The following VPS13B variants were observed in gnomAD, a reference collection of about 807,000 sequenced individuals.
VPS13B encodes intermembrane lipid transfer protein VPS13B.
Under a neutral mutation model 426.4 loss-of-function variants are expected in VPS13B, and 285 were observed. The observed-to-expected ratio is 0.67, with a 90% CI of 0.61 to 0.74. The LOEUF (loss-of-function observed/expected upper bound fraction) is 0.74. VPS13B is among the 30% of genes least tolerant of loss of function. The pLI is 0.00. For synonymous variants in VPS13B, 1,676 were observed against 1,676.4 expected (o/e 1.00, Z 0.01); for missense variants, 4,537 against 4,782.6 (o/e 0.95, Z 1.51).
intron 40 of VPS13B, among the ~76,000 whole-genome samples, chr8:99,772,114 T>C (rs1303248866): frequency 1.3e-5 from 2 of 152,196 alleles, no homozygotes; most frequent in African/African-American, 4.8e-5. Context: ...AGTACTCAGG[T>C]GCTGCTCAGG....
At chr8:99,351,267 A>G (rs1231598920) in intron 19 of VPS13B, among the ~76,000 whole-genome samples, 6 of 152,148 alleles carry the variant, frequency 3.9e-5, no homozygotes, top group Non-Finnish European at 5.9e-5. Context: ...CCTTTCATGT[A>G]TCTATCTTTT....
rs529969664 is a variant in VPS13B, at chr8:99,870,123, G to C, written c.11393-662G>C. On this transcript the variant is annotated intron_variant, in intron 59 of 61. Transcript: ENST00000357162. ...TATATCTGTGTGTTTTTTATTTTTT[G>C]ACTAGCCTTAGCACAGATACAGAAG... Among the ~76,000 whole-genome samples, 4 of 152,266 alleles carry C rather than the reference G, an allele frequency of 2.6e-5. No homozygotes were observed. The South Asian group carries it at 8.3e-4, about 32-fold the overall frequency.
At chr8:99,020,151 GTT>G (rs34816144) in intron 2 of VPS13B, among the ~76,000 whole-genome samples, 29 of 149,134 alleles carry the variant, frequency 1.9e-4, no homozygotes, top group South Asian at 2.1e-4. Flanking sequence ...TGTTTTACGT[GTT>G]TTTTTTTTTT....
rs760515700 is a variant in VPS13B, at chr8:99,820,078, C to G, written c.8950C>G (p.Leu2984Val). ...LWLFEGEKIVLQVPAGKIIIP... is the reference protein window; with the variant it reads ...LWLFEGEKIVVQVPAGKIIIP... ...GCTATTTGAAGGAGAGAAAATTGTT[C>G]TACAGGTTCCTGCTGGCAAAATTAT... The change falls in exon 49 of 62, where the codon CTA becomes GTA. Residue 2984 changes from leucine to valine, a missense_variant. Leu to Val is a conservative substitution (Grantham distance 32). Transcript: ENST00000357162. The G allele has an allele frequency of 4.3e-6, 7 of 1,613,942 alleles. No individual in the cohort carries two copies. Among genetic ancestry groups the G allele is most frequent in the Non-Finnish European group, 4.2e-6 (5 of 1,179,852 alleles).
At chr8:99,642,755 T>G (rs1352968984) in intron 34 of VPS13B, among the ~76,000 whole-genome samples, 3 of 152,234 alleles carry the variant, frequency 2.0e-5, no homozygotes, top group Non-Finnish European at 4.4e-5. Context: ...GAACTCTTTC[T>G]TGACTATAGA....
At chr8:99,858,213 A>G (rs760369876) in intron 56 of VPS13B, among the ~76,000 whole-genome samples, 1 of 151,434 alleles carries the variant, frequency 6.6e-6, no homozygotes, top group Non-Finnish European at 1.5e-5. Context: ...GTCTTTTCAG[A>G]CTCCTCCTCT....
At chr8:99,503,098 A>G (rs988432199) in intron 27 of VPS13B, 148 bp downstream of exon 27, 11 of 626,210 alleles carry the variant, frequency 1.8e-5, no homozygotes, top group Non-Finnish European at 2.8e-5. Flanking sequence ...GCTCCAGACT[A>G]TTCCAATAAA....
chr8:99,127,389 CT>C (rs1848230355), intron 8 of VPS13B, among the ~76,000 whole-genome samples: 1 of 152,192 alleles, frequency 6.6e-6, no homozygotes, highest in South Asian at 2.1e-4. Flanking sequence ...CTGATTGATA[CT>C]TAACACATAC....
intron 23 of VPS13B, among the ~76,000 whole-genome samples, chr8:99,448,158 T>C (rs1245031904): frequency 6.8e-6 from 1 of 146,272 alleles, no homozygotes; most frequent in Non-Finnish European, 1.5e-5. Flanking sequence ...TATTTATTTA[T>C]TTATTGCAAG....
chr8:99,857,026 T>C (rs560523393), intron 56 of VPS13B, among the ~76,000 whole-genome samples: 1 of 152,262 alleles, frequency 6.6e-6, no homozygotes, highest in South Asian at 2.1e-4. Flanking sequence ...CCAGGCAGAC[T>C]CCCTTCTTCA....
chr8:99,233,319 C>T, intron 17 of VPS13B: 3 of 1,096,082 alleles, frequency 2.7e-6, no homozygotes, highest in Non-Finnish European at 4.2e-6. Flanking sequence ...TATGGGCTTC[C>T]AGCTTCACTT....
At chr8:99,075,756 T>A (rs1011020857) in intron 3 of VPS13B, among the ~76,000 whole-genome samples, 6 of 152,212 alleles carry the variant, frequency 3.9e-5, no homozygotes, top group Non-Finnish European at 7.3e-5. Flanking sequence ...TTTTGTTCAT[T>A]TGGGTCTTTG....
chr8:99,270,059 G>A (rs996471141), intron 17 of VPS13B, among the ~76,000 whole-genome samples: 5 of 145,644 alleles, frequency 3.4e-5, no homozygotes, highest in African/African-American at 1.3e-4. Context: ...AAAGTTAAAA[G>A]TGTCAAACTG....
At chr8:99,720,117 AT>A (rs1379653004) in intron 37 of VPS13B, among the ~76,000 whole-genome samples, 3 of 152,160 alleles carry the variant, frequency 2.0e-5, no homozygotes, top group Middle Eastern at 3.2e-3. Flanking sequence ...TTTAAAATTT[AT>A]TGTTATTCAC....
chr8:99,650,347 T>G, intron 34 of VPS13B, among the ~76,000 whole-genome samples: 1 of 152,212 alleles, frequency 6.6e-6, no homozygotes, highest in East Asian at 1.9e-4. Context: ...TTTCCTTTCA[T>G]ATACTATCAA....
At chr8:99,616,750 G>A (rs755280353) in intron 33 of VPS13B, among the ~76,000 whole-genome samples, 9 of 152,216 alleles carry the variant, frequency 5.9e-5, no homozygotes, top group Non-Finnish European at 1.2e-4. Context: ...ACTTGAACCC[G>A]GGAGGCCGAA....
chr8:99,616,860 A>C (rs1798025761), intron 33 of VPS13B, among the ~76,000 whole-genome samples: 1 of 152,266 alleles, frequency 6.6e-6, no homozygotes, highest in Admixed American at 6.5e-5. Flanking sequence ...ACTGGGAATA[A>C]TAACTATAAA....
At chr8:99,085,281 C>A (rs1453343213) in intron 3 of VPS13B, among the ~76,000 whole-genome samples, 1 of 152,034 alleles carries the variant, frequency 6.6e-6, no homozygotes, top group Admixed American at 6.6e-5. Context: ...GCAACCCCTG[C>A]CTTTTTTTGT....
intron 19 of VPS13B, among the ~76,000 whole-genome samples, chr8:99,355,142 A>T (rs1812110864): frequency 6.6e-6 from 1 of 152,210 alleles, no homozygotes; most frequent in South Asian, 2.1e-4. Flanking sequence ...CTGCTGTACC[A>T]ATTAAGTTCT....
Sources: allele counts gnomAD v4.1 joint callset (sites outside exome capture counted in the v4.1 genomes callset), GRCh38; gene constraint gnomAD v4.1.1; transcripts MANE v1.5; gene names NCBI Gene and HGNC (gene_info 2026-07-23, HGNC 2026-07-21).